Variants in STAM2 observed in about 807,000 individuals in gnomAD.
STAM2 encodes the protein signal transducing adapter molecule 2.
STAM2 carries 51 observed loss-of-function variants against 65.6 expected under a neutral mutation model. The ratio of observed to expected loss-of-function variants is 0.78; its 90% CI spans 0.62 to 0.98. STAM2 has a LOEUF of 0.98. STAM2 is among the 50% of genes least tolerant of loss of function. The probability of loss-of-function intolerance (pLI) is 0.00; values close to 1 mark genes in which losing one functional copy is unlikely to be tolerated. For synonymous variants in STAM2, 198 were observed against 208.4 expected, an observed-to-expected ratio of 0.95 and a Z score of 0.43; for missense variants, 584 against 617.8, an observed-to-expected ratio of 0.95 and a Z score of 0.58.
chr2:152,141,825 G>A (rs1315434502), intron 7 of STAM2, among the ~76,000 whole-genome samples: 9 of 151,864 alleles, frequency 5.9e-5, no homozygotes, highest in Non-Finnish European at 7.4e-5. Context: ...TCCTGACCTC[G>A]TGATCCGCCC....
chr2:152,132,701 AT>A lies in STAM2; in HGVS notation c.970+471del, dbSNP rs557149180. On this transcript the variant is annotated intron_variant, in intron 10 of 13. Transcript: ENST00000263904. ...TTACCAGAGATTCTTATCCCAAAAG[AT>A]TTTTTTTAAAGCATAAAAAACACGT... Among the ~76,000 whole-genome samples, 31 of 152,172 alleles carry A rather than the reference AT, an allele frequency of 2.0e-4. No individual in the cohort carries two copies. The South Asian group carries it at 2.9e-3, about 14-fold the overall frequency.
Position 152,175,591 on chromosome 2 carries a change from C to G in STAM2, c.40+12G>C. 6.2e-7 allele frequency: 1 copy of G among 1,614,080 alleles called. No individual in the cohort carries two copies. Among genetic ancestry groups the G allele is most frequent in the Non-Finnish European group, 8.5e-7 (1 of 1,179,966 alleles). On this transcript the variant is annotated intron_variant, in intron 1 of 13. Transcript: ENST00000263904. The stretch of plus-strand genomic sequence containing the variant: ...AGGCACACAGCAGTCCAGGACCGGG[C>G]ACAGCACTCACCCACGTCTTGCTCG...
chr2:152,171,916 G>A (rs956713783), intron 1 of STAM2, among the ~76,000 whole-genome samples: 8 of 152,176 alleles, frequency 5.3e-5, no homozygotes, highest in East Asian at 1.9e-4. Context: ...AACAAGAACC[G>A]GAGTTAAGGC....
At chr2:152,141,138 CAAA>C (rs72256027) in intron 7 of STAM2, among the ~76,000 whole-genome samples, 37 of 109,608 alleles carry the variant, frequency 3.4e-4, no homozygotes, top group Non-Finnish European at 4.4e-4. Flanking sequence ...GACCCTGTCT[CAAA>C]AAAAAAAAAA....
At chr2:152,134,401 C>T (rs1006767050) in intron 8 of STAM2, among the ~76,000 whole-genome samples, 30 of 152,140 alleles carry the variant, frequency 2.0e-4, no homozygotes, top group African/African-American at 6.8e-4. Flanking sequence ...TTCCTATCTA[C>T]TTAGAGAGTC....
At chr2:152,163,141 T>C (rs1277969226) in intron 1 of STAM2, among the ~76,000 whole-genome samples, 1 of 152,214 alleles carries the variant, frequency 6.6e-6, no homozygotes, top group Non-Finnish European at 1.5e-5. Flanking sequence ...TTTCCCTATG[T>C]ATATACATTG....
chr2:152,174,441 T>C (rs190599403), intron 1 of STAM2, among the ~76,000 whole-genome samples: 98 of 152,228 alleles, frequency 6.4e-4, no homozygotes, highest in African/African-American at 2.3e-3. Flanking sequence ...AAAAAAAAAG[T>C]TTAATGAAGT....
At chr2:152,167,674 C>T (rs1323221051) in intron 1 of STAM2, among the ~76,000 whole-genome samples, 1 of 151,936 alleles carries the variant, frequency 6.6e-6, no homozygotes, top group Non-Finnish European at 1.5e-5. Context: ...GCAGGTGAAT[C>T]ACTTGAGGTC....
At chr2:152,122,060 AT>A (rs766533359) in intron 13 of STAM2, among the ~76,000 whole-genome samples, 1,690 of 101,468 alleles carry the variant, frequency 0.017, 26 homozygotes, top group African/African-American at 0.064. Context: ...AAAAAAAAAT[AT>A]ATATATATAT....
Position 152,148,075 on chromosome 2 carries a change from T to G in STAM2, c.249A>C (p.Glu83Asp), listed in dbSNP as rs1345076271. Residue 83 changes from glutamate (E) to aspartate (D), a missense_variant, in exon 4 of 14, where the codon GAA (glutamate) becomes GAC (aspartate). Coordinates refer to ENST00000263904, the MANE Select transcript of STAM2 (RefSeq NM_005843.6). ...VANCGKIFHL[E>D]VCSRDFATEV... The stretch of plus-strand genomic sequence containing the variant: ...CTGTTGCAAAATCACGGGAACATAC[T>G]TCTAAATGAAATATCTTTCCACAGT... 1 of 1,611,164 alleles carries G rather than the reference T, an allele frequency of 6.2e-7. No homozygotes were observed. Among genetic ancestry groups the G allele is most frequent in the African/African-American group, 1.3e-5 (1 of 74,888 alleles).
At position 152,175,731 on chromosome 2, in the gene STAM2, G is replaced by A. The variant is rs1690009225; in HGVS notation, c.-89C>T. 9.8e-6 allele frequency: 14 copies of A among 1,425,232 alleles called. No individual in the cohort carries two copies. The highest frequency in any genetic ancestry group is 2.0e-5 in the Admixed American group (1 of 51,000). 88.3% of individuals were successfully genotyped at this position (1,425,232 alleles called of 1,614,324 possible). On this transcript the variant is annotated 5_prime_UTR_variant, in exon 1 of 14. Coordinates refer to ENST00000263904, the MANE Select transcript of STAM2 (RefSeq NM_005843.6). ...GGTGACCCGCGGCCGCGGCTCCCTAGACCGCTCCGCTTCGGCCTCCGTCCC... is the reference window on the plus strand; with the variant it reads ...GGTGACCCGCGGCCGCGGCTCCCTAAACCGCTCCGCTTCGGCCTCCGTCCC...
chr2:152,148,372 T>G, intron 2 of STAM2, 72 bp from the exon 3 acceptor site: 1 of 1,227,840 alleles, frequency 8.1e-7, no homozygotes, highest in Non-Finnish European at 1.2e-6. Context: ...TAAGGTATTA[T>G]TCTATTACCA....
chr2:152,147,927 T>G, intron 4 of STAM2, 97 bp downstream of exon 4: 1 of 920,998 alleles, frequency 1.1e-6, no homozygotes, highest in Admixed American at 2.6e-5. Context: ...TAAAAATGAC[T>G]TCATTTATAA....
chr2:152,122,072 A>ATGTGTGTGTG (rs766266255), intron 13 of STAM2, among the ~76,000 whole-genome samples: 1 of 108,286 alleles, frequency 9.2e-6, no homozygotes, highest in Non-Finnish European at 2.1e-5. Context: ...ATATATATAT[A>ATGTGTGTGTG]TATATGTGTG....
intron 2 of STAM2, among the ~76,000 whole-genome samples, chr2:152,149,672 A>G (rs1367738260): frequency 6.6e-6 from 1 of 151,930 alleles, no homozygotes. Context: ...TAAGTTTTGT[A>G]TTTCTAGTAG....
In STAM2 at chr2:152,119,616, T is replaced by C. The variant is rs1688812451; in HGVS notation, c.*958A>G. 6.6e-6 allele frequency: 1 copy of C among 152,218 alleles called. No homozygotes were observed. The highest frequency in any genetic ancestry group is 1.5e-5 in the Non-Finnish European group (1 of 68,038). 9.4% of individuals were successfully genotyped at this position (152,218 alleles called of 1,614,324 possible). A position where few individuals can be genotyped will look rare whatever the true frequency, so the allele number is the denominator to read the frequency against. ...CACACGCAATCCCATAAAAAGGATA[T>C]GCAGCATCTCTGCACACCACATTGC... On this transcript the variant is annotated 3_prime_UTR_variant, in exon 14 of 14. Coordinates refer to ENST00000263904, the MANE Select transcript of STAM2 (RefSeq NM_005843.6).
chr2:152,151,796 T>C (rs532014811), intron 1 of STAM2, among the ~76,000 whole-genome samples: 3 of 152,368 alleles, frequency 2.0e-5, no homozygotes, highest in Non-Finnish European at 2.9e-5. Context: ...GCTTCTGTTA[T>C]TTGGCATAAT....
intron 1 of STAM2, among the ~76,000 whole-genome samples, chr2:152,162,583 AAAAT>A (rs1689702355): frequency 6.6e-6 from 1 of 152,194 alleles, no homozygotes; most frequent in South Asian, 2.1e-4. Flanking sequence ...CTTTGCATAT[AAAAT>A]AAATAAATAA....
Position 152,120,580 on chromosome 2 carries a change from GA to G in STAM2, c.1571del (p.Leu524ProfsTer41). Reference sequence around the variant, plus strand: ...GAAAATGCTTGATTTGTTTCTAAAGGAGAGGCTGCTGATGGTAATTTGTGTG... The same window carrying G: ...GAAAATGCTTGATTTGTTTCTAAAGGGAGGCTGCTGATGGTAATTTGTGTG... ...QQHTNYHQQP[L>X]L On this transcript the variant is annotated frameshift_variant, in exon 14 of 14. Coordinates refer to ENST00000263904, the MANE Select transcript of STAM2 (RefSeq NM_005843.6). LOFTEE classifies it high-confidence loss of function. The G allele has an allele frequency of 6.2e-7, 1 of 1,613,846 alleles. No homozygotes were observed. Among genetic ancestry groups the G allele is most frequent in the Non-Finnish European group, 8.5e-7 (1 of 1,179,828 alleles).
Sources: allele counts gnomAD v4.1 joint callset (sites outside exome capture counted in the v4.1 genomes callset), GRCh38; gene constraint gnomAD v4.1.1; transcripts MANE v1.5; gene names NCBI Gene and HGNC (gene_info 2026-07-23, HGNC 2026-07-21).